The following RPS6KA2 variants were observed in gnomAD, a reference collection of about 807,000 sequenced individuals.
RPS6KA2 encodes the protein ribosomal protein S6 kinase A2, also known as ribosomal protein S6 kinase alpha-2.
In RPS6KA2, 42 loss-of-function variants were observed where a neutral mutation model predicts 91.8. The ratio of observed to expected loss-of-function variants is 0.46; its 90% CI spans 0.36 to 0.59. RPS6KA2 has a LOEUF of 0.59. RPS6KA2 is among the 20% of genes least tolerant of loss of function. RPS6KA2 has a pLI of 0.00. For missense variants in RPS6KA2, 798 were observed against 978.5 expected (o/e 0.82, Z 2.46); for synonymous variants, 414 against 393.6 (o/e 1.05, Z -0.61).
chr6:166,534,258 C>T (rs2344711), intron 2 of RPS6KA2, among the ~76,000 whole-genome samples: 125,554 of 135,384 alleles, frequency 0.93, 57,932 homozygotes, highest in East Asian at 0.97. Context: ...AAAGAAAAAA[C>T]AAAAATTAGT....
At chr6:166,458,268 G>A (rs1436537788) in intron 12 of RPS6KA2, among the ~76,000 whole-genome samples, 2 of 152,146 alleles carry the variant, frequency 1.3e-5, no homozygotes, top group Admixed American at 6.5e-5. Context: ...AATTATGGGG[G>A]TGGGTCTTTC....
At chr6:166,724,087 CTCTCTT>C (rs1790267784) in intron 2 of RPS6KA2, among the ~76,000 whole-genome samples, 1 of 152,106 alleles carries the variant, frequency 6.6e-6, no homozygotes, top group Non-Finnish European at 1.5e-5. Flanking sequence ...GTGTGGATTT[CTCTCTT>C]TCTCTGCATA....
chr6:166,492,716 TTTTC>T (rs951898886), intron 8 of RPS6KA2, among the ~76,000 whole-genome samples: 4 of 130,562 alleles, frequency 3.1e-5, no homozygotes, highest in Non-Finnish European at 4.9e-5. Context: ...TTTCTTTTTC[TTTTC>T]TTTTTTTTTT....
At chr6:166,758,599 A>G (rs1468131686) in intron 2 of RPS6KA2, among the ~76,000 whole-genome samples, 2 of 152,204 alleles carry the variant, frequency 1.3e-5, no homozygotes, top group East Asian at 3.8e-4. Context: ...GTTAATACAT[A>G]AATAGCTTTC....
In RPS6KA2 at chr6:166,754,038, C is replaced by A. The variant is rs751582835; in HGVS notation, c.123+104162G>T. 2.0e-5 allele frequency among the ~76,000 whole-genome samples: 3 copies of A among 152,184 alleles called. No homozygotes were observed. The South Asian group carries it at 6.2e-4, about 32-fold the overall frequency. The stretch of plus-strand genomic sequence containing the variant: ...GTGAGAATCCAGCCCCGAGCCCCAG[C>A]CACACAAGACCTCAGTCTCCCTGAG... On this transcript the variant is annotated intron_variant, in intron 2 of 21. Transcript: ENST00000503859.
At chr6:166,839,696 A>AGG (rs1433853207) in intron 2 of RPS6KA2, among the ~76,000 whole-genome samples, 33 of 104,222 alleles carry the variant, frequency 3.2e-4, no homozygotes, top group African/African-American at 1.2e-3. Context: ...AGGAGAGGGG[A>AGG]GGAGAGGAGA....
At chr6:166,529,799 C>A (rs1258049314) in intron 3 of RPS6KA2, among the ~76,000 whole-genome samples, 1 of 152,122 alleles carries the variant, frequency 6.6e-6, no homozygotes, top group African/African-American at 2.4e-5. Flanking sequence ...TGTAACAGTC[C>A]TCTCCCCGCC....
chr6:166,634,982 A>T (rs1315118048), intron 2 of RPS6KA2, among the ~76,000 whole-genome samples: 1 of 152,220 alleles, frequency 6.6e-6, no homozygotes, highest in Non-Finnish European at 1.5e-5. Flanking sequence ...CAGGAAAAAA[A>T]CTAATATTCA....
In RPS6KA2 at chr6:166,825,304, G is replaced by A. The variant is rs546225967; in HGVS notation, c.123+32896C>T. Among the ~76,000 whole-genome samples the A allele has an allele frequency of 4.6e-5, 7 of 152,340 alleles. No homozygotes were observed. Among genetic ancestry groups the A allele is most frequent in the Admixed American group, 6.5e-5 (1 of 15,310 alleles). Reference sequence around the variant, plus strand: ...TGACTGCTGGGAATCCAGGGTACCCGTGGCTGTGAGGGGAAGGCGACTATT... The same window carrying A: ...TGACTGCTGGGAATCCAGGGTACCCATGGCTGTGAGGGGAAGGCGACTATT... On this transcript the variant is annotated intron_variant, in intron 2 of 21. Transcript: ENST00000503859. The surrounding 1 kb of genome is among the most constrained non-coding windows in gnomAD (Gnocchi z 4.1).
At chr6:166,642,198 G>A (rs1349739425) in intron 2 of RPS6KA2, among the ~76,000 whole-genome samples, 1 of 152,114 alleles carries the variant, frequency 6.6e-6, no homozygotes, top group Non-Finnish European at 1.5e-5. Context: ...GTTAATTACT[G>A]TCAGCTACCA....
At chr6:166,413,965 G>C in intron 19 of RPS6KA2, 34 bp from the exon 20 acceptor site, 1 of 1,606,596 alleles carries the variant, frequency 6.2e-7, no homozygotes, top group Non-Finnish European at 8.5e-7. Context: ...CGGGGGGATG[G>C]TTGGATCATT....
At chr6:166,422,947 T>C (rs1460878456) in intron 17 of RPS6KA2, among the ~76,000 whole-genome samples, 1 of 152,190 alleles carries the variant, frequency 6.6e-6, no homozygotes, top group Non-Finnish European at 1.5e-5. Context: ...TACTGCATCA[T>C]CTCTCTAACT....
intron 2 of RPS6KA2, among the ~76,000 whole-genome samples, chr6:166,679,752 G>C (rs1788728015): frequency 6.6e-6 from 1 of 152,238 alleles, no homozygotes; most frequent in East Asian, 1.9e-4. Context: ...TGGTGGGGAG[G>C]TGTGGAGGGA....
At chr6:166,719,565 T>C (rs1790112522) in intron 2 of RPS6KA2, among the ~76,000 whole-genome samples, 2 of 152,212 alleles carry the variant, frequency 1.3e-5, no homozygotes, top group Non-Finnish European at 1.5e-5. Context: ...TCTATGAAAA[T>C]ACATCTATTT....
At chr6:166,669,918 C>T (rs763620345) in intron 2 of RPS6KA2, among the ~76,000 whole-genome samples, 30 of 152,182 alleles carry the variant, frequency 2.0e-4, no homozygotes, top group Admixed American at 4.6e-4. Context: ...GAGGAACCCA[C>T]GTGGGGCCCG....
intron 13 of RPS6KA2, among the ~76,000 whole-genome samples, chr6:166,450,101 GGGGACCAACAT>G (rs1779832470): frequency 6.9e-6 from 1 of 144,896 alleles, no homozygotes; most frequent in Admixed American, 6.9e-5. Context: ...GAACCACCAT[GGGGACCAACAT>G]GGAGACCAAC....
Position 166,451,226 on chromosome 6 carries a change from A to G in RPS6KA2, c.1083T>C (p.Pro361=), listed in dbSNP as rs1313652295. 6.2e-7 allele frequency: 1 copy of G among 1,613,750 alleles called. No individual in the cohort carries two copies. Among genetic ancestry groups the G allele is most frequent in the Admixed American group, 1.7e-5 (1 of 59,986 alleles). The change falls in exon 13 of 21, where the codon CCT becomes CCC. Residue 361 remains proline, a synonymous_variant. Transcript: ENST00000265678. ...GAGCGTTTGCACTCGGGGGGACGCC[A>G]GGAGAGTCTGTAGGTGACAGGGGCA... The part of the protein sequence containing the change: ...EFTARTPTDS[P]GVPPSANAHH...
At chr6:166,701,157 C>G in intron 2 of RPS6KA2, 1 of 1,612,082 alleles carries the variant, frequency 6.2e-7, no homozygotes, top group Non-Finnish European at 8.5e-7. Flanking sequence ...GCTGCTTTAC[C>G]TGAGTCAGAA....
At chr6:166,462,016 G>A (rs1254678762) in intron 11 of RPS6KA2, among the ~76,000 whole-genome samples, 2 of 152,202 alleles carry the variant, frequency 1.3e-5, no homozygotes, top group Non-Finnish European at 2.9e-5. Context: ...CCCAAGGGGT[G>A]GAGGCCAGGG....
Sources: gnomAD v4.1 joint callset for allele counts (sites outside exome capture counted in the v4.1 genomes callset) on GRCh38, gnomAD v4.1.1 for gene constraint, Gnocchi (gnomAD v3.1) non-coding constraint, MANE v1.5 for transcripts, NCBI Gene and HGNC (gene_info 2026-07-23, HGNC 2026-07-21) for gene names.